TBC1D22A: variants seen among roughly 807,000 people sequenced by gnomAD.
TBC1D22A encodes the protein TBC1 domain family member 22A, also known as putative GTPase activator.
A neutral mutation model predicts 60.2 loss-of-function variants in TBC1D22A; 38 were observed. That is an observed-to-expected ratio of 0.63 (90% CI 0.49 to 0.83). The LOEUF is 0.83. Ranked by LOEUF, TBC1D22A falls within the 40% of genes least tolerant of loss-of-function variation. TBC1D22A has a pLI of 0.00. For synonymous variants in TBC1D22A, 302 were observed against 281.7 expected (o/e 1.07, Z -0.72); for missense variants, 628 against 701.0 (o/e 0.90, Z 1.18).
At chr22:47,015,587 C>T (rs369020041) in intron 10 of TBC1D22A, among the ~76,000 whole-genome samples, 5 of 152,318 alleles carry the variant, frequency 3.3e-5, no homozygotes, top group Non-Finnish European at 7.3e-5. Context: ...TCTTGTCTTG[C>T]GACCACACAC....
intron 4 of TBC1D22A, among the ~76,000 whole-genome samples, chr22:46,847,925 GT>G (rs1200083553): frequency 5.3e-5 from 5 of 93,942 alleles, no homozygotes; most frequent in African/African-American, 8.5e-5. Flanking sequence ...GTGGGTGTGT[GT>G]GTGTGTGTGT....
chr22:47,122,052 G>A (rs1182605441), intron 12 of TBC1D22A, among the ~76,000 whole-genome samples: 1 of 152,214 alleles, frequency 6.6e-6, no homozygotes, highest in Non-Finnish European at 1.5e-5. Flanking sequence ...GAGCACACAG[G>A]CCCATGGCCC....
chr22:47,018,862 T>A (rs9627643), intron 10 of TBC1D22A, among the ~76,000 whole-genome samples: 65,585 of 151,998 alleles, frequency 0.43, 16,466 homozygotes, highest in African/African-American at 0.71. Context: ...ACTCACATTT[T>A]TCTGGAGGAA....
At chr22:46,825,287 C>T (rs984374220) in intron 4 of TBC1D22A, among the ~76,000 whole-genome samples, 4 of 152,010 alleles carry the variant, frequency 2.6e-5, no homozygotes, top group Admixed American at 6.5e-5. Flanking sequence ...GTCTGAACCC[C>T]GCCGTGCCCA....
intron 3 of TBC1D22A, among the ~76,000 whole-genome samples, chr22:46,794,254 G>C (rs1477941523): frequency 1.3e-5 from 2 of 152,332 alleles, no homozygotes; most frequent in East Asian, 3.9e-4. Flanking sequence ...CGAGGGGTCA[G>C]GCCTCTGCAT....
Position 46,906,714 on chromosome 22 carries a change from C to T in TBC1D22A, c.901-5360C>T, listed in dbSNP as rs371457460. On this transcript the variant is annotated intron_variant, in intron 7 of 12. Coordinates refer to ENST00000337137, the MANE Select transcript of TBC1D22A (RefSeq NM_014346.5). Reference sequence around the variant, plus strand: ...CTCCGTTTCTCAGCCACATGTACTTCCCAGATAGACCCTGAGCTGTTTCAC... The same window carrying T: ...CTCCGTTTCTCAGCCACATGTACTTTCCAGATAGACCCTGAGCTGTTTCAC... Among the ~76,000 whole-genome samples the T allele has an allele frequency of 1.1e-4, 17 of 152,260 alleles. 1 individual carries two copies. Among genetic ancestry groups the T allele is most frequent in the Admixed American group, 7.8e-4 (12 of 15,292 alleles).
chr22:47,154,423 G>A (rs574124498), intron 12 of TBC1D22A, among the ~76,000 whole-genome samples: 2 of 152,262 alleles, frequency 1.3e-5, no homozygotes, highest in African/African-American at 4.8e-5. Flanking sequence ...ACACTGTCAT[G>A]GCCTGGAAAT....
At position 47,075,222 on chromosome 22, in the gene TBC1D22A, C is replaced by CA. The variant is rs386395628; in HGVS notation, c.1330-36272dup. 1.6e-3 allele frequency among the ~76,000 whole-genome samples: 185 copies of CA among 114,044 alleles called. 4 individuals are homozygous for CA. Among genetic ancestry groups the CA allele is most frequent in the South Asian group, 2.2e-3 (7 of 3,234 alleles). The allele number at this position is 114,044 out of a possible 152,430, so 74.8% of individuals were successfully genotyped here. ...TGGGCGACAGAGCGAGATTCCGTCT[C>CA]AAAAAAAAAAAAAAGAGAACCAAAG... On this transcript the variant is annotated intron_variant, in intron 11 of 12. Coordinates refer to ENST00000337137, the MANE Select transcript of TBC1D22A (RefSeq NM_014346.5).
chr22:46,816,560 T>C lies in TBC1D22A; in HGVS notation c.637+18940T>C, dbSNP rs77634156. The stretch of plus-strand genomic sequence containing the variant: ...ACCATCTCAACAGCAGTAGATTTTA[T>C]TGGGGCACATTGTGTGTGAGGCTCT... On this transcript the variant is annotated intron_variant, in intron 4 of 12. Coordinates refer to ENST00000337137, the MANE Select transcript of TBC1D22A (RefSeq NM_014346.5). 2.4e-4 allele frequency among the ~76,000 whole-genome samples: 37 copies of C among 152,346 alleles called. No individual in the cohort carries two copies. The East Asian group carries it at 3.7e-3, about 15-fold the overall frequency.
At chr22:47,171,425 C>T (rs1026009710) in intron 12 of TBC1D22A, among the ~76,000 whole-genome samples, 1 of 152,272 alleles carries the variant, frequency 6.6e-6, no homozygotes, top group South Asian at 2.1e-4. Context: ...GGGGAGCCTG[C>T]AGGTGGCCCC....
At chr22:46,845,935 G>A (rs1194213772) in intron 4 of TBC1D22A, among the ~76,000 whole-genome samples, 3 of 152,246 alleles carry the variant, frequency 2.0e-5, no homozygotes, top group South Asian at 2.1e-4. Context: ...TGCTGCAGTC[G>A]GCCCGCAGGA....
chr22:46,920,141 G>C (rs530444513), intron 8 of TBC1D22A, among the ~76,000 whole-genome samples: 1 of 152,100 alleles, frequency 6.6e-6, no homozygotes, highest in Non-Finnish European at 1.5e-5. Flanking sequence ...GTGCACTAAC[G>C]TTATCATAGT....
intron 10 of TBC1D22A, among the ~76,000 whole-genome samples, chr22:47,003,997 C>T (rs1053378745): frequency 2.0e-5 from 3 of 147,324 alleles, no homozygotes; most frequent in Admixed American, 2.0e-4. Context: ...TGCCTGTATA[C>T]ACACACCCTA....
rs185163026 is a variant in TBC1D22A at position 46,777,789 on chromosome 22, C to A, written c.63-14731C>A. ...GGCTGCCAGGGTGGCGGAGCCGCTC[C>A]GAAAGTCATGCATCACTTAGCGACG... On this transcript the variant is annotated intron_variant, in intron 1 of 12. Coordinates refer to ENST00000337137, the MANE Select transcript of TBC1D22A (RefSeq NM_014346.5). The surrounding 1 kb of genome is among the most constrained non-coding windows in gnomAD (Gnocchi z 4.5). Among the ~76,000 whole-genome samples, 1 of 152,124 alleles carries A rather than the reference C, an allele frequency of 6.6e-6. No individual in the cohort carries two copies. The highest frequency in any genetic ancestry group is 2.1e-4 in the South Asian group (1 of 4,836).
chr22:46,926,347 CAGAG>C (rs1239942063), intron 8 of TBC1D22A, among the ~76,000 whole-genome samples: 1 of 151,722 alleles, frequency 6.6e-6, no homozygotes, highest in Admixed American at 6.6e-5. Context: ...CTAGACTGAC[CAGAG>C]AGAGAGAGAA....
At chr22:47,139,507 G>A (rs1009698821) in intron 12 of TBC1D22A, among the ~76,000 whole-genome samples, 1 of 152,228 alleles carries the variant, frequency 6.6e-6, no homozygotes, top group Non-Finnish European at 1.5e-5. Flanking sequence ...CCCAGCTCCT[G>A]CGTTCCCTCC....
At chr22:47,149,595 G>A (rs1432641441) in intron 12 of TBC1D22A, among the ~76,000 whole-genome samples, 1 of 152,234 alleles carries the variant, frequency 6.6e-6, no homozygotes, top group East Asian at 1.9e-4. Context: ...GAAGGGACAC[G>A]ACCAAGGCCA....
chr22:46,976,978 T>C (rs1032795252), intron 9 of TBC1D22A, among the ~76,000 whole-genome samples: 7 of 152,188 alleles, frequency 4.6e-5, no homozygotes, highest in African/African-American at 1.7e-4. Context: ...TGGGAATGAA[T>C]GTGAGGAACT....
Position 47,098,578 on chromosome 22 carries a change from G to A in TBC1D22A, c.1330-12930G>A, listed in dbSNP as rs149829064. Among the ~76,000 whole-genome samples, 193 of 152,260 alleles carry A rather than the reference G, an allele frequency of 1.3e-3. 1 individual carries two copies. Among genetic ancestry groups the A allele is most frequent in the South Asian group, 1.7e-3 (8 of 4,828 alleles). On this transcript the variant is annotated intron_variant, in intron 11 of 12. Transcript: ENST00000337137. Reference sequence around the variant, plus strand: ...GCATCCCCCCGACTCCATGTACCAGGTTGCCCTGGGGAAGGGCCAGGTGAG... The same window carrying A: ...GCATCCCCCCGACTCCATGTACCAGATTGCCCTGGGGAAGGGCCAGGTGAG...
Sources: allele counts gnomAD v4.1 joint callset (sites outside exome capture counted in the v4.1 genomes callset), GRCh38; gene constraint gnomAD v4.1.1; non-coding constraint Gnocchi (gnomAD v3.1); transcripts MANE v1.5; gene names NCBI Gene and HGNC (gene_info 2026-07-23, HGNC 2026-07-21).